Variants in ATP8A2 observed in about 807,000 individuals in gnomAD.
ATP8A2 encodes the protein ATPase phospholipid transporting 8A2, also known as phospholipid-transporting ATPase IB.
In ATP8A2, 100 loss-of-function variants were observed where a neutral mutation model predicts 165.6. The ratio of observed to expected loss-of-function variants is 0.60; its 90% CI spans 0.51 to 0.71. The LOEUF (loss-of-function observed/expected upper bound fraction) is 0.71. ATP8A2 is among the 30% of genes least tolerant of loss of function. ATP8A2 has a pLI of 0.00. For missense variants in ATP8A2, 1,227 were observed against 1,479.5 expected (o/e 0.83, Z 2.80); for synonymous variants, 543 against 548.8 (o/e 0.99, Z 0.15).
chr13:25,772,011 C>A (rs1418536586), intron 26 of ATP8A2, among the ~76,000 whole-genome samples: 2 of 152,138 alleles, frequency 1.3e-5, no homozygotes, highest in Non-Finnish European at 2.9e-5. Context: ...AATGTTAGCT[C>A]AAAGACTTAC....
chr13:25,443,158 A>G (rs149245475), intron 1 of ATP8A2, among the ~76,000 whole-genome samples: 1,621 of 152,340 alleles, frequency 0.011, 30 homozygotes, highest in African/African-American at 0.037. Flanking sequence ...TTTCATCCTT[A>G]TAACTGTGAG....
intron 1 of ATP8A2, among the ~76,000 whole-genome samples, chr13:25,431,387 G>A (rs1419228762): frequency 6.6e-6 from 1 of 152,136 alleles, no homozygotes. Flanking sequence ...GACCTCAAGT[G>A]GTCAGCTCGC....
chr13:25,389,311 A>G (rs1440754118), intron 1 of ATP8A2, among the ~76,000 whole-genome samples: 2 of 152,222 alleles, frequency 1.3e-5, no homozygotes. Flanking sequence ...TTTCCCCCCT[A>G]AAATACTGAA....
At chr13:25,900,815 T>C (rs1391975875) in intron 33 of ATP8A2, among the ~76,000 whole-genome samples, 2 of 152,130 alleles carry the variant, frequency 1.3e-5, no homozygotes, top group Non-Finnish European at 2.9e-5. Context: ...GGGAAGGTAT[T>C]AGCGCTGTTG....
In ATP8A2 at chr13:25,559,750, C is replaced by G. The variant is rs2039086642; in HGVS notation, c.1382C>G (p.Ser461Cys). 1.9e-6 allele frequency: 3 copies of G among 1,612,898 alleles called. No individual in the cohort carries two copies. The highest frequency in any genetic ancestry group is 2.5e-6 in the Non-Finnish European group (3 of 1,178,998). ...GHFPELAREP[S>C]SDDFCRMPPP... ...TTCCCAGAATTGGCAAGAGAGCCGTCTTCAGATGACTTCTGGTAAGTAGAT... is the reference window on the plus strand; with the variant it reads ...TTCCCAGAATTGGCAAGAGAGCCGTGTTCAGATGACTTCTGGTAAGTAGAT... The change falls in exon 15 of 37, where the codon TCT (serine) becomes TGT (cysteine). Residue 461 changes from serine (S) to cysteine (C), a missense_variant. By Grantham distance (112) the Ser-to-Cys change is moderately radical. Around this residue, in one of 5 missense-constraint regions of ATP8A2, gnomAD observed 592 missense variants for 785.6 expected, o/e 0.75. Coordinates refer to ENST00000381655, the MANE Select transcript of ATP8A2 (RefSeq NM_016529.6).
chr13:25,971,661 G>A (rs1047425824), intron 35 of ATP8A2, among the ~76,000 whole-genome samples: 8 of 152,082 alleles, frequency 5.3e-5, no homozygotes, highest in Non-Finnish European at 1.2e-4. Flanking sequence ...TGACACACTG[G>A]TGCCTGTGTG....
chr13:25,641,015 C>T (rs112668301), intron 24 of ATP8A2, among the ~76,000 whole-genome samples: 2,213 of 152,300 alleles, frequency 0.015, 50 homozygotes, highest in African/African-American at 0.049. Flanking sequence ...ACATGATGAT[C>T]TCAATAGATG....
intron 24 of ATP8A2, among the ~76,000 whole-genome samples, chr13:25,640,643 A>G (rs998740023): frequency 5.3e-5 from 8 of 152,346 alleles, no homozygotes; most frequent in Admixed American, 5.2e-4. Context: ...GTCCAGGAGC[A>G]GATGGATTCA....
At chr13:25,829,203 C>G (rs921781265) in intron 28 of ATP8A2, among the ~76,000 whole-genome samples, 5 of 152,150 alleles carry the variant, frequency 3.3e-5, no homozygotes, top group African/African-American at 1.2e-4. Context: ...TCAGACACCT[C>G]CAAGGAGGAC....
In ATP8A2 at chr13:25,953,203, C is replaced by T. The variant is rs1167779564; in HGVS notation, c.3184-8372C>T. 6.6e-6 allele frequency among the ~76,000 whole-genome samples: 1 copy of T among 152,102 alleles called. No individual in the cohort carries two copies. Among genetic ancestry groups the T allele is most frequent in the Non-Finnish European group, 1.5e-5 (1 of 68,034 alleles). The stretch of plus-strand genomic sequence containing the variant: ...TTCGTCTTTTAACTTTACAAGTGCT[C>T]CTCATTTTCTTTTACTTACAATTTG... On this transcript the variant is annotated intron_variant, in intron 33 of 36. Transcript: ENST00000381655. This position sits in a 1 kb window ranked among gnomAD's most constrained non-coding sequence, Gnocchi z 6.7.
chr13:25,781,546 T>C, intron 27 of ATP8A2, among the ~76,000 whole-genome samples: 1 of 152,114 alleles, frequency 6.6e-6, no homozygotes, highest in Non-Finnish European at 1.5e-5. Flanking sequence ...TGGAATGCAG[T>C]AGTGCAGTGT....
chr13:25,530,152 AT>A, intron 3 of ATP8A2, 54 bp downstream of exon 3: 1 of 1,172,114 alleles, frequency 8.5e-7, no homozygotes, highest in Non-Finnish European at 1.3e-6. Flanking sequence ...GTAAAATGAG[AT>A]TTTGCTAAAG....
intron 24 of ATP8A2, among the ~76,000 whole-genome samples, chr13:25,692,150 G>A (rs576958749): frequency 1.1e-4 from 17 of 152,280 alleles, no homozygotes; most frequent in South Asian, 2.1e-4. Flanking sequence ...AGAGATTCAC[G>A]GAGGGGAAGA....
At chr13:25,890,110 C>T (rs1284441719) in intron 33 of ATP8A2, among the ~76,000 whole-genome samples, 3 of 152,024 alleles carry the variant, frequency 2.0e-5, no homozygotes, top group African/African-American at 7.2e-5. Flanking sequence ...TGCAGTGAGC[C>T]GAGATCGCTC....
rs1953702118 is a variant in ATP8A2, at chr13:25,900,354, AG to A, written c.3183+37948del. On this transcript the variant is annotated intron_variant, in intron 33 of 36. Coordinates refer to ENST00000381655, the MANE Select transcript of ATP8A2 (RefSeq NM_016529.6). ...CCTCTGACATGAAAAGGTGCAGTGG[AG>A]GACACCAGAACCTCACTGCATCCTC... 3.9e-5 allele frequency among the ~76,000 whole-genome samples: 6 copies of A among 152,284 alleles called. No individual in the cohort carries two copies. The South Asian group carries it at 1.2e-3, about 32-fold the overall frequency.
intron 35 of ATP8A2, among the ~76,000 whole-genome samples, chr13:25,976,168 A>G (rs117605798): frequency 0.014 from 2,115 of 152,236 alleles, 28 homozygotes; most frequent in Non-Finnish European, 0.023. Flanking sequence ...GGCTCACTCC[A>G]TCTTCCTGCC....
Position 25,860,584 on chromosome 13 carries a change from GAA to G in ATP8A2, c.3019-218_3019-217del, listed in dbSNP as rs1952318468. 3.9e-5 allele frequency among the ~76,000 whole-genome samples: 6 copies of G among 152,292 alleles called. No homozygotes were observed. The South Asian group carries it at 1.2e-3, about 32-fold the overall frequency. Reference sequence around the variant, plus strand: ...AAAAGGGCAAAACTATTATTTATGAGAAAGACTGTTACTAGAATGAAAGCTCT... The same window carrying G: ...AAAAGGGCAAAACTATTATTTATGAGAGACTGTTACTAGAATGAAAGCTCT... On this transcript the variant is annotated intron_variant, in intron 31 of 36. Transcript: ENST00000381655.
chr13:25,572,064 G>T (rs1288734457), intron 18 of ATP8A2, among the ~76,000 whole-genome samples: 4 of 152,270 alleles, frequency 2.6e-5, no homozygotes, highest in African/African-American at 9.6e-5. Context: ...CTTACTCAAT[G>T]AAGCCTCACA....
chr13:25,773,147 A>G (rs953706099), intron 26 of ATP8A2, among the ~76,000 whole-genome samples: 2 of 152,188 alleles, frequency 1.3e-5, no homozygotes, highest in Non-Finnish European at 2.9e-5. Flanking sequence ...GGCATTCTCA[A>G]TACAGCCTGC....
Sources: allele counts gnomAD v4.1 joint callset (sites outside exome capture counted in the v4.1 genomes callset), GRCh38; gene constraint gnomAD v4.1.1; regional missense constraint gnomAD v4.1.1; non-coding constraint Gnocchi (gnomAD v3.1); transcripts MANE v1.5; gene names NCBI Gene and HGNC (gene_info 2026-07-23, HGNC 2026-07-21).